KAZN: variants seen among roughly 807,000 people sequenced by gnomAD.
KAZN encodes the protein kazrin.
In KAZN, 40 loss-of-function variants were observed where a neutral mutation model predicts 87.4. The observed-to-expected ratio is 0.46, with a 90% CI of 0.36 to 0.60. The LOEUF is 0.60. Among genes scored for constraint, KAZN ranks in the 20% least tolerant of loss-of-function variants. KAZN has a pLI of 0.00. For synonymous variants in KAZN, 466 were observed against 458.3 expected, an observed-to-expected ratio of 1.02 and a Z score of -0.22; for missense variants, 898 against 1,073.9, an observed-to-expected ratio of 0.84 and a Z score of 2.29.
chr1:15,104,350 G>C (rs189780667), intron 13 of KAZN, among the ~76,000 whole-genome samples, 161 bp downstream of exon 13: 1 of 152,314 alleles, frequency 6.6e-6, no homozygotes, highest in Non-Finnish European at 1.5e-5. Flanking sequence ...GGAAACTAAG[G>C]CTCAGAGAAG....
chr1:14,685,522 C>G (rs1317937007), intron 1 of KAZN, among the ~76,000 whole-genome samples: 2 of 152,198 alleles, frequency 1.3e-5, no homozygotes, highest in African/African-American at 2.4e-5. Context: ...TACAGAGGAC[C>G]AGGGCCTCCA....
At chr1:14,844,502 C>T (rs1648444724) in intron 1 of KAZN, among the ~76,000 whole-genome samples, 1 of 152,200 alleles carries the variant, frequency 6.6e-6, no homozygotes, top group African/African-American at 2.4e-5. Flanking sequence ...AAATAACATC[C>T]TTCCTGGGCT....
At position 15,021,821 on chromosome 1, in the gene KAZN, G is replaced by A. The variant is rs1189979401; in HGVS notation, c.419-12928G>A. Among the ~76,000 whole-genome samples the A allele has an allele frequency of 1.3e-5, 2 of 152,124 alleles. No individual in the cohort carries two copies. The highest frequency in any genetic ancestry group is 2.4e-5 in the African/African-American group (1 of 41,428). ...TTGGAAGCCCTGGCTCCTGGCATCT[G>A]TATGAGTTCGTTTTCATGCTGCTGA... On this transcript the variant is annotated intron_variant, in intron 2 of 14. Coordinates refer to ENST00000376030, the MANE Select transcript of KAZN (RefSeq NM_201628.3). The surrounding 1 kb of genome is among the most constrained non-coding windows in gnomAD (Gnocchi z 4.2).
chr1:14,142,109 T>A (rs1372706576), intron 1 of KAZN, among the ~76,000 whole-genome samples: 2 of 56,666 alleles, frequency 3.5e-5, no homozygotes, highest in Non-Finnish European at 6.3e-5. Flanking sequence ...CCTCCTTCCC[T>A]TTTTTTTTTT....
intron 1 of KAZN, among the ~76,000 whole-genome samples, chr1:14,072,805 C>T (rs573699629): frequency 5.8e-4 from 88 of 152,234 alleles, no homozygotes; most frequent in African/African-American, 2.0e-3. Context: ...TGTGTAAGGG[C>T]GAAATGAGAT....
At chr1:14,418,128 A>T (rs1218183431) in intron 2 of KAZN, among the ~76,000 whole-genome samples, 2 of 148,654 alleles carry the variant, frequency 1.3e-5, no homozygotes, top group Admixed American at 1.4e-4. Flanking sequence ...ACCACGGCAT[A>T]TCCTGTGGGT....
At chr1:14,414,790 C>T (rs530831604) in intron 2 of KAZN, among the ~76,000 whole-genome samples, 12 of 152,080 alleles carry the variant, frequency 7.9e-5, no homozygotes, top group South Asian at 6.3e-4. Context: ...TTTGGGAGGC[C>T]GAGGATGATG....
chr1:13,938,566 T>A (rs1382901671), intron 1 of KAZN, among the ~76,000 whole-genome samples: 1 of 152,210 alleles, frequency 6.6e-6, no homozygotes, highest in Non-Finnish European at 1.5e-5. Flanking sequence ...CCAGTTCAAA[T>A]CCTTGGTGTC....
chr1:14,067,113 T>C (rs905450664), intron 1 of KAZN, among the ~76,000 whole-genome samples: 8 of 152,068 alleles, frequency 5.3e-5, no homozygotes, highest in Non-Finnish European at 5.9e-5. Context: ...CCAACTTTTT[T>C]CCCTGACTCC....
intron 1 of KAZN, among the ~76,000 whole-genome samples, chr1:14,002,184 G>A (rs544449371): frequency 6.6e-6 from 1 of 152,294 alleles, no homozygotes; most frequent in South Asian, 2.1e-4. Flanking sequence ...TCAAAAAGTG[G>A]GCAAAGGACA....
intron 2 of KAZN, among the ~76,000 whole-genome samples, chr1:14,221,485 C>A (rs890979768): frequency 1.3e-5 from 2 of 152,030 alleles, no homozygotes; most frequent in African/African-American, 4.8e-5. Flanking sequence ...AGATAAGTTG[C>A]CTCCGAGAAG....
chr1:14,452,413 T>A (rs1044682268), intron 2 of KAZN, among the ~76,000 whole-genome samples: 9 of 152,210 alleles, frequency 5.9e-5, no homozygotes, highest in Non-Finnish European at 1.2e-4. Context: ...GTTCCATTTT[T>A]AAAAAATAAG....
intron 1 of KAZN, among the ~76,000 whole-genome samples, chr1:13,988,768 T>C (rs1639141251): frequency 6.6e-6 from 1 of 152,184 alleles, no homozygotes; most frequent in East Asian, 1.9e-4. Context: ...ATTGTCAAAA[T>C]TCACTACAGC....
chr1:13,938,165 T>A (rs1640810284), intron 1 of KAZN, among the ~76,000 whole-genome samples: 1 of 152,208 alleles, frequency 6.6e-6, no homozygotes, highest in African/African-American at 2.4e-5. Context: ...TCCATGAGCA[T>A]GGAAGTTTTT....
chr1:14,414,602 C>A (rs1224190511), intron 2 of KAZN, among the ~76,000 whole-genome samples: 2 of 151,352 alleles, frequency 1.3e-5, no homozygotes, highest in African/African-American at 4.9e-5. Flanking sequence ...AACAATCTTG[C>A]ATGCACATAC....
At chr1:14,548,111 G>A (rs1284514595) in intron 2 of KAZN, among the ~76,000 whole-genome samples, 1 of 151,376 alleles carries the variant, frequency 6.6e-6, no homozygotes, top group Non-Finnish European at 1.5e-5. Context: ...AAATTGTATT[G>A]GGCCGCATTC....
chr1:14,613,628 C>T (rs1435381333), intron 1 of KAZN, among the ~76,000 whole-genome samples: 1 of 152,178 alleles, frequency 6.6e-6, no homozygotes, highest in Admixed American at 6.5e-5. Flanking sequence ...GTTACAGCTT[C>T]GGTATTGCAT....
intron 1 of KAZN, among the ~76,000 whole-genome samples, chr1:13,986,224 G>C (rs1390815403): frequency 6.6e-6 from 1 of 152,160 alleles, no homozygotes; most frequent in Non-Finnish European, 1.5e-5. Context: ...CACGACATAA[G>C]ATGATAAAAC....
chr1:14,087,957 G>T (rs1158273836), intron 1 of KAZN, among the ~76,000 whole-genome samples: 2 of 148,928 alleles, frequency 1.3e-5, no homozygotes, highest in African/African-American at 2.5e-5. Context: ...GGTAATGGTG[G>T]ACTCATAAAC....
Sources: gnomAD v4.1 joint callset for allele counts (sites outside exome capture counted in the v4.1 genomes callset) on GRCh38, gnomAD v4.1.1 for gene constraint, Gnocchi (gnomAD v3.1) non-coding constraint, MANE v1.5 for transcripts, NCBI Gene and HGNC (gene_info 2026-07-23, HGNC 2026-07-21) for gene names.